The following FRAS1 variants were observed in gnomAD, a reference collection of about 807,000 sequenced individuals.
FRAS1 encodes the protein extracellular matrix organizing protein FRAS1.
Under a neutral mutation model 435.2 loss-of-function variants are expected in FRAS1, and 290 were observed. The ratio of observed to expected loss-of-function variants is 0.67; its 90% CI spans 0.61 to 0.73. The LOEUF is 0.73. Among genes scored for constraint, FRAS1 ranks in the 30% least tolerant of loss-of-function variants. The pLI, the probability that FRAS1 is intolerant of heterozygous loss-of-function variation, is 0.00. For missense variants in FRAS1, 4,860 were observed against 5,001.5 expected, an observed-to-expected ratio of 0.97 and a Z score of 0.85; for synonymous variants, 1,800 against 1,851.0, an observed-to-expected ratio of 0.97 and a Z score of 0.71.
chr4:78,534,674 TA>T (rs1721826344), intron 71 of FRAS1, 59 bp downstream of exon 71: 1 of 1,521,010 alleles, frequency 6.6e-7, no homozygotes, highest in Non-Finnish European at 9.0e-7. Flanking sequence ...AAGCTTTTGC[TA>T]AGTCACCGGA....
At chr4:78,376,885 G>C (rs1202503505) in intron 26 of FRAS1, among the ~76,000 whole-genome samples, 1 of 152,104 alleles carries the variant, frequency 6.6e-6, no homozygotes, top group Non-Finnish European at 1.5e-5. Context: ...CAGCTACTCA[G>C]GAGGCTAAGG....
chr4:78,373,087 A>G (rs1461252306), intron 24 of FRAS1, among the ~76,000 whole-genome samples: 2 of 152,198 alleles, frequency 1.3e-5, no homozygotes, highest in African/African-American at 4.8e-5. Context: ...TCTTGGGCAT[A>G]TAGGACCACA....
In FRAS1 at chr4:78,407,828, C is replaced by G; in HGVS notation, c.4295C>G (p.Ser1432Cys). ...TCAGGAGCCCCAGCCCAGAGCGACT[C>G]CTTCCGCTTCGAGGTACCCTCTGCT... is the stretch of plus-strand genomic sequence containing the variant. ...RHSGAPAQSD[S>C]FRFEVSSASN... The change falls in exon 31 of 74, where the codon TCC (serine) becomes TGC (cysteine). Residue 1432 changes from serine (S) to cysteine (C), a missense_variant. Ser to Cys is a moderately radical substitution (Grantham distance 112). Coordinates refer to ENST00000512123, the MANE Select transcript of FRAS1 (RefSeq NM_025074.7). The G allele has an allele frequency of 6.2e-7, 1 of 1,600,986 alleles. No individual in the cohort carries two copies. Among genetic ancestry groups the G allele is most frequent in the Non-Finnish European group, 8.5e-7 (1 of 1,173,144 alleles).
chr4:78,528,678 T>C (rs541445198), intron 70 of FRAS1, among the ~76,000 whole-genome samples: 86 of 152,306 alleles, frequency 5.6e-4, no homozygotes, highest in African/African-American at 2.0e-3. Flanking sequence ...ATTTCAGTTG[T>C]TTCCAGTTTG....
intron 29 of FRAS1, among the ~76,000 whole-genome samples, chr4:78,392,141 C>T (rs575788043): frequency 2.7e-4 from 41 of 152,256 alleles, no homozygotes; most frequent in African/African-American, 9.1e-4. Flanking sequence ...CTCATATACA[C>T]ATTGACAAAC....
intron 70 of FRAS1, among the ~76,000 whole-genome samples, chr4:78,529,757 C>T (rs765691455): frequency 7.9e-5 from 12 of 152,172 alleles, no homozygotes; most frequent in Non-Finnish European, 1.8e-4. Flanking sequence ...TGTGGAGATG[C>T]TGAACAAAGG....
chr4:78,492,933 T>C (rs1433308811), intron 59 of FRAS1, among the ~76,000 whole-genome samples: 2 of 152,138 alleles, frequency 1.3e-5, no homozygotes, highest in Non-Finnish European at 2.9e-5. Context: ...ATATCCAGAA[T>C]CTATAAGAAA....
At chr4:78,123,591 T>G (rs9993527) in intron 2 of FRAS1, among the ~76,000 whole-genome samples, 42,541 of 152,026 alleles carry the variant, frequency 0.28, 6,275 homozygotes, top group African/African-American at 0.35. Flanking sequence ...TCACAATACT[T>G]ATTCTTCCTA....
chr4:78,129,225 C>G (rs1719556203), intron 2 of FRAS1, among the ~76,000 whole-genome samples: 1 of 152,170 alleles, frequency 6.6e-6, no homozygotes, highest in Admixed American at 6.5e-5. Flanking sequence ...TTAGGATTGA[C>G]TTGGCGATGT....
chr4:78,327,799 G>A (rs1317051011), intron 18 of FRAS1, among the ~76,000 whole-genome samples: 1 of 152,162 alleles, frequency 6.6e-6, no homozygotes, highest in Non-Finnish European at 1.5e-5. Flanking sequence ...TCCACAGAAT[G>A]ATTAAGCCTC....
At chr4:78,122,083 C>A (rs1018973789) in intron 2 of FRAS1, among the ~76,000 whole-genome samples, 1 of 152,170 alleles carries the variant, frequency 6.6e-6, no homozygotes, top group African/African-American at 2.4e-5. Context: ...ACCCGTCAAC[C>A]AGTCACCTGC....
rs573102919 is a variant in FRAS1, at chr4:78,359,290, CT to C, written c.2423-4222del. 3.3e-3 allele frequency among the ~76,000 whole-genome samples: 297 copies of C among 89,056 alleles called. 3 individuals carry two copies. The highest frequency in any genetic ancestry group is 0.01 in the African/African-American group (265 of 25,964). The allele number at this position is 89,056 out of a possible 152,430, so 58.4% of individuals were successfully genotyped here. A position where few individuals can be genotyped will look rare whatever the true frequency, so the allele number is the denominator to read the frequency against. On this transcript the variant is annotated intron_variant, in intron 20 of 73. Transcript: ENST00000512123. Reference sequence around the variant, plus strand: ...GTCTGCCCTAGGGAACTATACTTTTCTGTTATAAGTCAGAACATTGGTATTA... The same window carrying C: ...GTCTGCCCTAGGGAACTATACTTTTCGTTATAAGTCAGAACATTGGTATTA...
At chr4:78,529,771 G>C (rs977252763) in intron 70 of FRAS1, among the ~76,000 whole-genome samples, 1 of 152,158 alleles carries the variant, frequency 6.6e-6, no homozygotes, top group African/African-American at 2.4e-5. Flanking sequence ...ACAAAGGGAC[G>C]ATTCCTGTTC....
rs1041003850 is a variant in FRAS1 at position 78,421,044 on chromosome 4, C to T, written c.4541-819C>T. ...TCCCAAAACTGAAGAGCTTGGAGTC[C>T]GATGTTCAAGGGCAGGAAGCATCCA... is the stretch of plus-strand genomic sequence containing the variant. On this transcript the variant is annotated intron_variant, in intron 33 of 73. Transcript: ENST00000512123. Among the ~76,000 whole-genome samples the T allele has an allele frequency of 5.3e-5, 8 of 151,372 alleles. No homozygotes were observed. The East Asian group carries it at 7.8e-4, about 15-fold the overall frequency.
At chr4:78,459,838 G>T (rs1719314722) in intron 47 of FRAS1, among the ~76,000 whole-genome samples, 1 of 152,160 alleles carries the variant, frequency 6.6e-6, no homozygotes, top group South Asian at 2.1e-4. Flanking sequence ...TTCATGTGGT[G>T]TTCTCCCTGT....
intron 32 of FRAS1, among the ~76,000 whole-genome samples, chr4:78,416,045 G>T (rs1733539910): frequency 6.6e-6 from 1 of 152,146 alleles, no homozygotes; most frequent in Admixed American, 6.5e-5. Context: ...TATCAGCAGA[G>T]AAATGGATAA....
rs983122059 is a variant in FRAS1 at position 78,267,174 on chromosome 4, C to G, written c.790-67C>G. ...AGCTTTGGTATTTTGGGTCCTCCTG[C>G]CTCTGTTGGCTTGGGTGTTTCACCG... On this transcript the variant is annotated intron_variant, in intron 8 of 73. Coordinates refer to ENST00000512123, the MANE Select transcript of FRAS1 (RefSeq NM_025074.7). 1.4e-5 allele frequency: 21 copies of G among 1,507,674 alleles called. No homozygotes were observed. The African/African-American group carries it at 1.9e-4, about 14-fold the overall frequency. The allele number at this position is 1,507,674 out of a possible 1,614,324, so 93.4% of individuals were successfully genotyped here. A position where few individuals can be genotyped will look rare whatever the true frequency, so the allele number is the denominator to read the frequency against.
intron 6 of FRAS1, among the ~76,000 whole-genome samples, chr4:78,261,502 G>C (rs1560610754): frequency 6.6e-6 from 1 of 152,088 alleles, no homozygotes; most frequent in Non-Finnish European, 1.5e-5. Context: ...AAATCACTTT[G>C]ACCTTCCCCC....
In FRAS1 at chr4:78,418,986, C is replaced by T; in HGVS notation, c.4463C>T (p.Ser1488Phe). 1.2e-6 allele frequency: 2 copies of T among 1,604,490 alleles called. No homozygotes were observed. The highest frequency in any genetic ancestry group is 4.5e-5 in the East Asian group (2 of 44,390). The change falls in exon 33 of 74, where the codon TCC (serine) becomes TTC (phenylalanine). Residue 1488 changes from serine (S) to phenylalanine (F), a missense_variant. By Grantham distance (155) the Ser-to-Phe change is radical (BLOSUM62 -2). Transcript: ENST00000512123. ...EDGLTVIQPH[S>F]LSFINSEKPS... ...GGCCTGACTGTTATTCAGCCTCATT[C>T]CCTCTCCTTCATAAACTCTGAGAAG...
Sources: allele counts gnomAD v4.1 joint callset (sites outside exome capture counted in the v4.1 genomes callset), GRCh38; gene constraint gnomAD v4.1.1; transcripts MANE v1.5; gene names NCBI Gene and HGNC (gene_info 2026-07-23, HGNC 2026-07-21).